Variants in TRIM37 observed in about 807,000 individuals in gnomAD.
TRIM37 encodes the protein tripartite motif containing 37, also known as E3 ubiquitin-protein ligase TRIM37.
In TRIM37, 80 loss-of-function variants were observed where a neutral mutation model predicts 129.8. That is an observed-to-expected ratio of 0.62 (90% CI 0.51 to 0.74). The LOEUF is 0.74. Among genes scored for constraint, TRIM37 ranks in the 30% least tolerant of loss-of-function variants. The pLI, the probability that TRIM37 is intolerant of heterozygous loss-of-function variation, is 0.00. For missense variants in TRIM37, 1,054 were observed against 1,176.5 expected, an observed-to-expected ratio of 0.90 and a Z score of 1.52; for synonymous variants, 389 against 387.1, an observed-to-expected ratio of 1.00 and a Z score of -0.06.
At chr17:59,012,230 C>CAGCAGCAGCAG (rs11280877) in intron 22 of TRIM37, 98 bp downstream of exon 22, 236 of 382,850 alleles carry the variant, frequency 6.2e-4, no homozygotes, top group Middle Eastern at 9.9e-4. Flanking sequence ...AGCAGCAGCA[C>CAGCAGCAGCAG]CACCACCACC....
At chr17:58,997,278 T>TGAAA (rs767673059), downstream of TRIM37, among the ~76,000 whole-genome samples, 3 of 152,182 alleles carry the variant, frequency 2.0e-5, no homozygotes, top group Non-Finnish European at 2.9e-5. Context: ...TTTTCAACTC[T>TGAAA]TTTGCAAACC....
chr17:59,042,781 CAGGAA>C (rs1296574924), intron 16 of TRIM37, among the ~76,000 whole-genome samples: 8 of 148,442 alleles, frequency 5.4e-5, no homozygotes, highest in African/African-American at 1.0e-4. Flanking sequence ...CAGGACAGGA[CAGGAA>C]AGGAAAGGAA....
At chr17:59,044,152 A>T (rs1349323907) in intron 16 of TRIM37, among the ~76,000 whole-genome samples, 1 of 152,142 alleles carries the variant, frequency 6.6e-6, no homozygotes, top group Non-Finnish European at 1.5e-5. Context: ...ACAAAATATT[A>T]AAAAATTAGC....
chr17:59,005,043 C>T (rs946724875), intron 22 of TRIM37, among the ~76,000 whole-genome samples: 3 of 152,162 alleles, frequency 2.0e-5, no homozygotes, highest in Non-Finnish European at 4.4e-5. Flanking sequence ...CTAGCTAGTT[C>T]TGTGAAGCAC....
At chr17:58,977,600 A>G in the TRIM37 span, among the ~76,000 whole-genome samples, 3 of 152,202 alleles carry the variant, frequency 2.0e-5, no homozygotes, top group Non-Finnish European at 4.4e-5. Flanking sequence ...AGGTAATTAT[A>G]TTAATTATTT....
chr17:59,093,737 T>C (rs55897641), intron 2 of TRIM37, among the ~76,000 whole-genome samples: 2,529 of 152,318 alleles, frequency 0.017, 34 homozygotes, highest in Non-Finnish European at 0.028. Context: ...ACTGTCGATA[T>C]ATCTGTGCAT....
At chr17:59,002,229 T>C (rs1222257836) in intron 22 of TRIM37, among the ~76,000 whole-genome samples, 3 of 152,134 alleles carry the variant, frequency 2.0e-5, no homozygotes, top group Non-Finnish European at 4.4e-5. Context: ...GTCGGTTGAT[T>C]TGTATTTATT....
intron 9 of TRIM37, among the ~76,000 whole-genome samples, chr17:59,065,089 GCTTTTTTTC>G (rs1301326114): frequency 6.6e-6 from 1 of 151,776 alleles, no homozygotes; most frequent in Non-Finnish European, 1.5e-5. Flanking sequence ...CTTTATAAAA[GCTTTTTTTC>G]CTAAAAGAAA....
intron 8 of TRIM37, among the ~76,000 whole-genome samples, chr17:59,072,010 C>T (rs571614582): frequency 1.3e-4 from 20 of 152,314 alleles, no homozygotes; most frequent in African/African-American, 4.6e-4. Flanking sequence ...GCAGGCTCAA[C>T]CTCCAGTACC....
intron 13 of TRIM37, 127 bp downstream of exon 13, chr17:59,056,747 AG>A (rs2040953196): frequency 2.6e-5 from 11 of 427,708 alleles, no homozygotes; most frequent in African/African-American, 4.4e-5. Context: ...AAAAAAAAAA[AG>A]GTGATAAGGT....
chr17:59,051,831 C>T (rs966513685), intron 13 of TRIM37, among the ~76,000 whole-genome samples: 10 of 151,750 alleles, frequency 6.6e-5, no homozygotes, highest in African/African-American at 2.4e-4. Context: ...CCCGGGTTCA[C>T]GCCATTCTCC....
At position 59,015,678 on chromosome 17, in the gene TRIM37, A is replaced by G; in HGVS notation, c.2508T>C (p.Asp836=). ...EDRQCKALDS[D]AVVVAVFSGL... is the part of the protein sequence containing the mutation. Reference sequence around the variant, plus strand: ...CACTGAAAACTGCAACCACAACAGCATCTGAATCCAAAGCTTTACACTGCC... The same window carrying G: ...CACTGAAAACTGCAACCACAACAGCGTCTGAATCCAAAGCTTTACACTGCC... The change falls in exon 21 of 24, where the codon GAT becomes GAC. Residue 836 remains aspartate, a synonymous_variant. Transcript: ENST00000262294. 1.2e-6 allele frequency: 2 copies of G among 1,614,160 alleles called. No individual in the cohort carries two copies. The highest frequency in any genetic ancestry group is 1.7e-6 in the Non-Finnish European group (2 of 1,180,014).
chr17:59,101,866 G>C (rs1445931737), intron 2 of TRIM37, among the ~76,000 whole-genome samples: 1 of 150,318 alleles, frequency 6.7e-6, no homozygotes, highest in Non-Finnish European at 1.5e-5. Flanking sequence ...TTGAACCTGG[G>C]AGGCGGAGGT....
chr17:58,995,841 T>C (rs1567920479), downstream of TRIM37, among the ~76,000 whole-genome samples: 1 of 151,924 alleles, frequency 6.6e-6, no homozygotes, highest in Non-Finnish European at 1.5e-5. Flanking sequence ...ACTCCATCTC[T>C]ATAAAAAATA....
intron 9 of TRIM37, among the ~76,000 whole-genome samples, chr17:59,066,590 A>G (rs751349331): frequency 6.6e-6 from 1 of 152,234 alleles, no homozygotes; most frequent in Non-Finnish European, 1.5e-5. Context: ...ACACTCATGA[A>G]CCAAGAGAGT....
intron 15 of TRIM37, among the ~76,000 whole-genome samples, chr17:59,048,460 C>T (rs189314753): frequency 1.3e-5 from 2 of 152,260 alleles, no homozygotes; most frequent in African/African-American, 2.4e-5. Flanking sequence ...TCAACTACTT[C>T]TTGAACTCTT....
intron 24 of TRIM37, among the ~76,000 whole-genome samples, chr17:58,990,856 T>C (rs1411059916): frequency 2.2e-5 from 3 of 136,690 alleles, no homozygotes; most frequent in Non-Finnish European, 3.2e-5. Flanking sequence ...GCAAGGTAAA[T>C]ACCAACCACA....
the TRIM37 span, chr17:58,971,991 AATGAAT>A: frequency 1.3e-6 from 1 of 785,848 alleles, no homozygotes; most frequent in East Asian, 2.7e-5. Context: ...GCATTGAGAC[AATGAAT>A]TATTATATAT....
rs1247308519 is a variant in TRIM37 at position 59,020,340 on chromosome 17, GA to G, written c.2258-2917del. 2.0e-5 allele frequency among the ~76,000 whole-genome samples: 3 copies of G among 149,638 alleles called. No individual in the cohort carries two copies. In the East Asian group the frequency reaches 5.9e-4, roughly 29 times the overall value. On this transcript the variant is annotated intron_variant, in intron 19 of 23. Coordinates refer to ENST00000262294, the MANE Select transcript of TRIM37 (RefSeq NM_015294.6). ...AAATAAATCTAAGAACTTGGTCTTT[GA>G]GGAGATGAACAAAATTAGCAAATCC...
Sources: gnomAD v4.1 joint callset for allele counts (sites outside exome capture counted in the v4.1 genomes callset) on GRCh38, gnomAD v4.1.1 for gene constraint, MANE v1.5 for transcripts, NCBI Gene and HGNC (gene_info 2026-07-23, HGNC 2026-07-21) for gene names.